SF3A3: variants seen among roughly 807,000 people sequenced by gnomAD.
SF3A3 encodes SAP 61.
Under a neutral mutation model 85.8 loss-of-function variants are expected in SF3A3, and 9 were observed. The ratio of observed to expected loss-of-function variants is 0.10; its 90% CI spans 0.06 to 0.18. The LOEUF (loss-of-function observed/expected upper bound fraction) is 0.18. Ranked by LOEUF, SF3A3 falls within the 10% of genes least tolerant of loss-of-function variation. The pLI, the probability that SF3A3 is intolerant of heterozygous loss-of-function variation, is 1.00. For synonymous variants in SF3A3, 195 were observed against 204.4 expected, an observed-to-expected ratio of 0.95 and a Z score of 0.39; for missense variants, 306 against 593.3, an observed-to-expected ratio of 0.52 and a Z score of 5.03.
At chr1:37,959,183 ATCC>A (rs1646240339) in intron 16 of SF3A3, among the ~76,000 whole-genome samples, 1 of 149,482 alleles carries the variant, frequency 6.7e-6, no homozygotes, top group African/African-American at 2.5e-5. Flanking sequence ...GGCTCAAGCA[ATCC>A]TCCTGCTTCA....
chr1:37,960,328 C>T (rs1210575393), intron 15 of SF3A3, 153 bp from the exon 16 acceptor site: 2 of 651,056 alleles, frequency 3.1e-6, no homozygotes, highest in African/African-American at 1.8e-5. Flanking sequence ...TGGTTCTGGA[C>T]CACCTATAGA....
chr1:37,964,264 A>G (rs1245063175), intron 15 of SF3A3, among the ~76,000 whole-genome samples: 1 of 152,134 alleles, frequency 6.6e-6, no homozygotes, highest in Non-Finnish European at 1.5e-5. Context: ...CTAACCCTTA[A>G]AAAATTACGT....
intron 15 of SF3A3, among the ~76,000 whole-genome samples, chr1:37,963,018 G>A (rs1646272779): frequency 6.6e-6 from 1 of 151,790 alleles, no homozygotes; most frequent in Admixed American, 6.6e-5. Context: ...AACACAGGAG[G>A]TGGAGGTTGC....
Position 37,961,759 on chromosome 1 carries a change from C to CAAAAAAAAAAAAAAAAAAAAAAAAAAA in SF3A3, c.1373-1585_1373-1584insTTTTTTTTTTTTTTTTTTTTTTTTTTT, listed in dbSNP as rs10699691. On this transcript the variant is annotated intron_variant, in intron 15 of 16. Transcript: ENST00000373019. The stretch of plus-strand genomic sequence containing the variant: ...AGCCTGGGTGACAAAGCAAGACTGC[C>CAAAAAAAAAAAAAAAAAAAAAAAAAAA]AAAAAAAAAAAAAAAAAAAAAAAAG... Among the ~76,000 whole-genome samples the CAAAAAAAAAAAAAAAAAAAAAAAAAAA allele has an allele frequency of 1.6e-4, 6 of 37,802 alleles. 1 individual carries two copies. Among genetic ancestry groups the CAAAAAAAAAAAAAAAAAAAAAAAAAAA allele is most frequent in the East Asian group, 2.6e-3 (2 of 776 alleles). 24.8% of individuals were successfully genotyped at this position (37,802 alleles called of 152,430 possible).
intron 15 of SF3A3, among the ~76,000 whole-genome samples, chr1:37,965,283 T>C (rs1190526692): frequency 3.3e-5 from 2 of 60,412 alleles, no homozygotes; most frequent in South Asian, 8.4e-4. Flanking sequence ...CTGGGCAACA[T>C]AAGGAAACCC....
At chr1:37,964,267 A>G (rs541839973) in intron 15 of SF3A3, among the ~76,000 whole-genome samples, 16 of 152,216 alleles carry the variant, frequency 1.1e-4, no homozygotes, top group African/African-American at 3.6e-4. Context: ...ACCCTTAAAA[A>G]ATTACGTGAT....
chr1:37,982,264 C>G (rs1646424439), intron 6 of SF3A3, among the ~76,000 whole-genome samples: 1 of 152,138 alleles, frequency 6.6e-6, no homozygotes, highest in African/African-American at 2.4e-5. Flanking sequence ...GAAGTTTGGT[C>G]ACTACAACTC....
At position 37,976,760 on chromosome 1, in the gene SF3A3, C is replaced by T; in HGVS notation, c.1005+124G>A. ...TTGTACCCTGACCTCTATTTTGTGC[C>T]ATACTAGTTTATCAGCTATCCACTC... On this transcript the variant is annotated intron_variant, in intron 12 of 16. Transcript: ENST00000373019. The T allele has an allele frequency of 4.3e-6, 3 of 693,434 alleles. No individual in the cohort carries two copies. The Admixed American group carries it at 7.0e-5, about 16-fold the overall frequency. 43.0% of individuals were successfully genotyped at this position (693,434 alleles called of 1,614,324 possible). A position where few individuals can be genotyped will look rare whatever the true frequency, so the allele number is the denominator to read the frequency against.
At chr1:37,978,466 C>T (rs961109061) in intron 11 of SF3A3, among the ~76,000 whole-genome samples, 3 of 151,968 alleles carry the variant, frequency 2.0e-5, no homozygotes, top group Non-Finnish European at 4.4e-5. Context: ...CCTCCATAAC[C>T]TATTAAAGGT....
At chr1:37,967,350 C>T (rs1463755905) in intron 15 of SF3A3, among the ~76,000 whole-genome samples, 2 of 151,116 alleles carry the variant, frequency 1.3e-5, no homozygotes, top group Non-Finnish European at 2.9e-5. Flanking sequence ...TCAAGGCCAT[C>T]CTGGCTCACA....
chr1:37,962,641 C>T (rs1327823656), intron 15 of SF3A3, among the ~76,000 whole-genome samples: 1 of 148,646 alleles, frequency 6.7e-6, no homozygotes, highest in Non-Finnish European at 1.5e-5. Context: ...TAATAAAGTG[C>T]GACCAATCAC....
In SF3A3 at chr1:37,958,225, C is replaced by G. The variant is rs1646233441; in HGVS notation, c.1467G>C (p.Lys489Asn). ...YEDSSGNVVN[K>N]KTYEDLKRQG... is the part of the protein sequence containing the mutation. ...GTCTTTTCAGATCCTCGTATGTCTT[C>G]TTATTCACAACATTCCCACTTGAGT... Residue 489 changes from lysine (K) to asparagine (N), a missense_variant, in exon 17 of 17, where the codon AAG (lysine) becomes AAC (asparagine). Transcript: ENST00000373019. 1.2e-6 allele frequency: 2 copies of G among 1,612,512 alleles called. No individual in the cohort carries two copies. Among genetic ancestry groups the G allele is most frequent in the Non-Finnish European group, 1.7e-6 (2 of 1,178,518 alleles).
chr1:37,987,455 TA>T, intron 4 of SF3A3, 117 bp downstream of exon 4: 1 of 739,854 alleles, frequency 1.4e-6, no homozygotes, highest in Non-Finnish European at 2.3e-6. Flanking sequence ...TCCTTGCAGC[TA>T]AATGGCAAGT....
intron 15 of SF3A3, among the ~76,000 whole-genome samples, chr1:37,966,425 C>G (rs992877262): frequency 6.6e-6 from 1 of 152,082 alleles, no homozygotes; most frequent in African/African-American, 2.4e-5. Context: ...TAGCCTCTAA[C>G]ACAAGCTTAC....
intron 15 of SF3A3, among the ~76,000 whole-genome samples, chr1:37,962,974 GC>G (rs998693648): frequency 1.8e-4 from 28 of 151,870 alleles, no homozygotes; most frequent in Admixed American, 1.6e-3. Flanking sequence ...TGTAGTCCCA[GC>G]CACTCGGGAG....
At chr1:37,962,797 T>G (rs1375942732) in intron 15 of SF3A3, among the ~76,000 whole-genome samples, 1 of 121,798 alleles carries the variant, frequency 8.2e-6, no homozygotes, top group Non-Finnish European at 1.8e-5. Flanking sequence ...AAAAAAAAAA[T>G]CACTGCGGCC....
intron 4 of SF3A3, 134 bp downstream of exon 4, chr1:37,987,439 C>T: frequency 1.5e-6 from 1 of 681,960 alleles, no homozygotes; most frequent in Non-Finnish European, 2.6e-6. Flanking sequence ...TGTCAGCTAA[C>T]TATGGTCCTT....
At chr1:37,984,028 C>T in intron 6 of SF3A3, 141 bp downstream of exon 6, 1 of 501,194 alleles carries the variant, frequency 2.0e-6, no homozygotes, top group East Asian at 3.1e-5. Context: ...TCCAAGAGAG[C>T]ATATCACCTC....
chr1:37,982,724 G>A (rs1430209605), intron 6 of SF3A3, among the ~76,000 whole-genome samples: 1 of 151,932 alleles, frequency 6.6e-6, no homozygotes, highest in Non-Finnish European at 1.5e-5. Context: ...ATACCTTTTT[G>A]CTGACTGAAA....
Sources: allele counts gnomAD v4.1 joint callset (sites outside exome capture counted in the v4.1 genomes callset), GRCh38; gene constraint gnomAD v4.1.1; transcripts MANE v1.5; gene names NCBI Gene and HGNC (gene_info 2026-07-23, HGNC 2026-07-21).